PCDH11X: variants seen among roughly 807,000 people sequenced by gnomAD.
The protein encoded by PCDH11X is protocadherin 11 X-linked, also known as protocadherin-11 X-linked.
A neutral mutation model predicts 53.3 loss-of-function variants in PCDH11X; 18 were observed. The observed-to-expected ratio is 0.34, with a 90% confidence interval of 0.23 to 0.50. The LOEUF is 0.50. PCDH11X is among the 20% of genes least tolerant of loss of function. PCDH11X has a pLI of 0.98. For missense variants in PCDH11X, 570 were observed against 1,032.4 expected, an observed-to-expected ratio of 0.55 and a Z score of 6.14; for synonymous variants, 279 against 393.3, an observed-to-expected ratio of 0.71 and a Z score of 3.44.
intron 4 of PCDH11X, among the ~76,000 whole-genome samples, chrX:91,825,461 T>A (rs1247781515): frequency 8.9e-6 from 1 of 111,824 alleles, no homozygotes; most frequent in Non-Finnish European, 1.9e-5. Context: ...GTCACCCCTT[T>A]CTTTGATTAG....
At chrX:92,403,339 GT>G (rs1191277649) in intron 9 of PCDH11X, among the ~76,000 whole-genome samples, 6,495 of 48,585 alleles carry the variant, frequency 0.13, 101 homozygotes, top group Non-Finnish European at 0.16. Flanking sequence ...GTTTTTTTTT[GT>G]TTTTTTTTTT....
At chrX:91,840,645 T>C (rs1453096534) in intron 5 of PCDH11X, among the ~76,000 whole-genome samples, 4 of 111,669 alleles carry the variant, frequency 3.6e-5, no homozygotes, top group African/African-American at 6.5e-5. Context: ...CCACAAGATT[T>C]AGAAATCTTG....
intron 8 of PCDH11X, among the ~76,000 whole-genome samples, chrX:92,336,899 T>A (rs952137480): frequency 1.8e-5 from 2 of 110,929 alleles, no homozygotes; most frequent in Non-Finnish European, 3.8e-5. Flanking sequence ...TACTTTTTGA[T>A]TCGGTTCCTT....
At chrX:91,828,457 T>C (rs941761124) in intron 4 of PCDH11X, among the ~76,000 whole-genome samples, 2 of 111,540 alleles carry the variant, frequency 1.8e-5, no homozygotes, top group Non-Finnish European at 3.8e-5. Context: ...GGGTGTCACA[T>C]TTATGGTTCA....
chrX:92,427,493 G>A (rs768865739), intron 9 of PCDH11X, among the ~76,000 whole-genome samples: 1 of 60,416 alleles, frequency 1.7e-5, no homozygotes, highest in East Asian at 1.0e-3. Flanking sequence ...ATTTTTCATA[G>A]TTACTAGTTT....
At chrX:92,613,548 TGTG>T (rs1161404021) in intron 10 of PCDH11X, among the ~76,000 whole-genome samples, 216 of 51,650 alleles carry the variant, frequency 4.2e-3, no homozygotes, top group African/African-American at 0.037. Context: ...GTTGTTGTTG[TGTG>T]TGTGTGTGTG....
In PCDH11X at chrX:92,484,139, A is replaced by ATATG. The variant is rs1461512856; in HGVS notation, c.3367+15818_3367+15819insATGT. ...ATATAGTATATATATGTATATATGT[A>ATATG]TGTATATATATGTATATATGTATAT... On this transcript the variant is annotated intron_variant, in intron 10 of 10. Transcript: ENST00000682573. Among the ~76,000 whole-genome samples, 3 of 37,283 alleles carry ATATG rather than the reference A, an allele frequency of 8.0e-5. No individual in the cohort carries two copies. In the East Asian group the frequency reaches 6.5e-3, roughly 81 times the overall value. The allele number at this position is 37,283 out of a possible 115,157, so 32.4% of individuals were successfully genotyped here.
At chrX:92,429,791 G>A (rs1215185036) in intron 9 of PCDH11X, among the ~76,000 whole-genome samples, 10 of 92,506 alleles carry the variant, frequency 1.1e-4, no homozygotes, top group African/African-American at 3.8e-4. Flanking sequence ...TAATAGTAAT[G>A]CATTCAGGTT....
chrX:92,305,373 C>T lies in PCDH11X; in HGVS notation c.3144+42230C>T, dbSNP rs1191443346. Reference sequence around the variant, plus strand: ...CATTAAGTTTGGTTTCTGGTGAGGCCTTTCTTCCTGGCTTGCTGATGTCCA... The same window carrying T: ...CATTAAGTTTGGTTTCTGGTGAGGCTTTTCTTCCTGGCTTGCTGATGTCCA... On this transcript the variant is annotated intron_variant, in intron 8 of 10. Transcript: ENST00000682573. Among the ~76,000 whole-genome samples the T allele has an allele frequency of 9.3e-5, 10 of 107,901 alleles. No homozygotes were observed. The East Asian group carries it at 3.0e-3, about 32-fold the overall frequency. The allele number at this position is 107,901 out of a possible 115,157, so 93.7% of individuals were successfully genotyped here.
At chrX:92,381,788 C>T (rs1171059876) in intron 8 of PCDH11X, among the ~76,000 whole-genome samples, 2 of 111,693 alleles carry the variant, frequency 1.8e-5, no homozygotes, top group African/African-American at 3.2e-5. Context: ...AAAGGAGTGA[C>T]ACCAGAGATG....
chrX:92,433,486 G>T (rs2072297523), intron 9 of PCDH11X, among the ~76,000 whole-genome samples: 1 of 110,372 alleles, frequency 9.1e-6, no homozygotes, highest in Non-Finnish European at 1.9e-5. Flanking sequence ...ATGAAAGGCA[G>T]CTGGAAGAGG....
At chrX:91,924,734 G>A (rs1262636957) in intron 6 of PCDH11X, among the ~76,000 whole-genome samples, 1 of 110,808 alleles carries the variant, frequency 9.0e-6, no homozygotes, top group African/African-American at 3.3e-5. Flanking sequence ...TCTTATTATA[G>A]GGAATAAGAA....
chrX:91,872,329 CAA>C (rs67943877), intron 5 of PCDH11X, among the ~76,000 whole-genome samples: 108 of 94,179 alleles, frequency 1.1e-3, no homozygotes, highest in Middle Eastern at 5.5e-3. Flanking sequence ...AAATAAAAGA[CAA>C]AAAAAAAAAC....
At chrX:92,511,004 G>A (rs1288094785) in intron 10 of PCDH11X, among the ~76,000 whole-genome samples, 1 of 111,190 alleles carries the variant, frequency 9.0e-6, no homozygotes, top group Non-Finnish European at 1.9e-5. Flanking sequence ...AGTGTGGTTG[G>A]TGGTGCTATA....
chrX:92,444,585 G>T (rs1398553921), intron 9 of PCDH11X, among the ~76,000 whole-genome samples: 1 of 108,828 alleles, frequency 9.2e-6, no homozygotes, highest in Non-Finnish European at 1.9e-5. Flanking sequence ...TTGTATAACA[G>T]TGGTGATAGT....
At chrX:92,161,894 A>G (rs1218125040) in intron 6 of PCDH11X, among the ~76,000 whole-genome samples, 42 of 68,682 alleles carry the variant, frequency 6.1e-4, no homozygotes, top group Non-Finnish European at 1.0e-3. Context: ...TATGCTATCT[A>G]TTTCACTGAA....
At chrX:91,914,226 C>A (rs1941480553) in intron 6 of PCDH11X, among the ~76,000 whole-genome samples, 1 of 110,659 alleles carries the variant, frequency 9.0e-6, no homozygotes, top group African/African-American at 3.3e-5. Flanking sequence ...CAAGGAATCA[C>A]CCTCTAGGAC....
intron 9 of PCDH11X, among the ~76,000 whole-genome samples, chrX:92,418,142 T>A (rs2071862268): frequency 1.9e-5 from 2 of 104,947 alleles, no homozygotes; most frequent in African/African-American, 3.4e-5. Flanking sequence ...AGTTATTCTA[T>A]TTTTTTAGTT....
intron 6 of PCDH11X, among the ~76,000 whole-genome samples, chrX:92,177,428 A>T (rs1241695005): frequency 8.9e-6 from 1 of 111,827 alleles, no homozygotes; most frequent in African/African-American, 3.2e-5. Context: ...TGATTTTATC[A>T]CAAAAGCTTC....
Sources: gnomAD v4.1 joint callset for allele counts (sites outside exome capture counted in the v4.1 genomes callset) on GRCh38, gnomAD v4.1.1 for gene constraint, MANE v1.5 for transcripts, NCBI Gene and HGNC (gene_info 2026-07-23, HGNC 2026-07-21) for gene names.